PHACTR4: variants seen among roughly 807,000 people sequenced by gnomAD.
PHACTR4 encodes protein phosphatase 1, regulatory subunit 124.
A neutral mutation model predicts 72.7 loss-of-function variants in PHACTR4; 51 were observed. The observed-to-expected ratio is 0.70, with a 90% CI of 0.56 to 0.89. PHACTR4 has a LOEUF of 0.89. PHACTR4 is among the 40% of genes least tolerant of loss of function. PHACTR4 has a pLI of 0.00. For missense variants in PHACTR4, 731 were observed against 861.8 expected, an observed-to-expected ratio of 0.85 and a Z score of 1.90; for synonymous variants, 255 against 302.5, an observed-to-expected ratio of 0.84 and a Z score of 1.63.
intron 2 of PHACTR4, among the ~76,000 whole-genome samples, chr1:28,419,474 A>ATG (rs759824397): frequency 6.6e-6 from 1 of 151,792 alleles, no homozygotes; most frequent in Non-Finnish European, 1.5e-5. Flanking sequence ...TGATACATGT[A>ATG]TGTGTGTGTG....
At chr1:28,444,392 G>C (rs1331883150) in intron 2 of PHACTR4, among the ~76,000 whole-genome samples, 1 of 150,446 alleles carries the variant, frequency 6.6e-6, no homozygotes, top group Non-Finnish European at 1.5e-5. Context: ...ACCATGACCA[G>C]CTAATTTTTG....
At chr1:28,483,938 C>T (rs976577040) in intron 9 of PHACTR4, among the ~76,000 whole-genome samples, 7 of 151,814 alleles carry the variant, frequency 4.6e-5, no homozygotes, top group Non-Finnish European at 1.0e-4. Context: ...TGCCTATAAT[C>T]TCCGTACTTT....
chr1:28,379,969 T>A (rs963402585), intron 1 of PHACTR4, among the ~76,000 whole-genome samples: 1 of 152,006 alleles, frequency 6.6e-6, no homozygotes, highest in Non-Finnish European at 1.5e-5. Context: ...TGTGTTTCTA[T>A]TATCAACTTT....
chr1:28,469,248 C>T (rs1002289255), intron 6 of PHACTR4, among the ~76,000 whole-genome samples: 1 of 151,962 alleles, frequency 6.6e-6, no homozygotes, highest in Non-Finnish European at 1.5e-5. Context: ...CTCAAAAAAA[C>T]ACTAGAAAAA....
intron 1 of PHACTR4, among the ~76,000 whole-genome samples, chr1:28,401,896 G>A (rs1438773890): frequency 6.6e-6 from 1 of 152,146 alleles, no homozygotes; most frequent in Non-Finnish European, 1.5e-5. Flanking sequence ...ACTGCATCCA[G>A]CTCTGCTTTA....
In PHACTR4 at chr1:28,489,248, A is replaced by G. The variant is rs1163401528; in HGVS notation, c.1816+23A>G. Reference sequence around the variant, plus strand: ...AACGTGAGTCCAGTTATGGAAATAAAGTTGTATAGATTTTCTTTGTATGTT... The same window carrying G: ...AACGTGAGTCCAGTTATGGAAATAAGGTTGTATAGATTTTCTTTGTATGTT... On this transcript the variant is annotated intron_variant, in intron 10 of 13. Coordinates refer to ENST00000373839, the MANE Select transcript of PHACTR4 (RefSeq NM_001048183.3). 10 of 1,586,996 alleles carry G rather than the reference A, an allele frequency of 6.3e-6. No individual in the cohort carries two copies. In the South Asian group the frequency reaches 1.1e-4, roughly 18 times the overall value.
chr1:28,453,641 T>G, intron 2 of PHACTR4: 1 of 1,266,598 alleles, frequency 7.9e-7, no homozygotes. Flanking sequence ...GAAGAGAGAC[T>G]CGGTTCTAAC....
chr1:28,427,316 A>G (rs909451816), intron 2 of PHACTR4, among the ~76,000 whole-genome samples: 17 of 152,088 alleles, frequency 1.1e-4, no homozygotes, highest in African/African-American at 3.4e-4. Context: ...ACTTGAGGTC[A>G]GGAGTTTGAG....
intron 2 of PHACTR4, among the ~76,000 whole-genome samples, chr1:28,447,748 A>G (rs551688568): frequency 3.9e-5 from 6 of 152,142 alleles, no homozygotes; most frequent in Admixed American, 1.3e-4. Flanking sequence ...TAGGCAGAAA[A>G]CTATTTTTCC....
chr1:28,379,694 A>G (rs1268584026), intron 1 of PHACTR4, among the ~76,000 whole-genome samples: 2 of 148,936 alleles, frequency 1.3e-5, no homozygotes, highest in Non-Finnish European at 1.5e-5. Context: ...GGTTCACGCC[A>G]TTCTCCTGCC....
chr1:28,496,342 C>A (rs55681210), intron 13 of PHACTR4, among the ~76,000 whole-genome samples, 192 bp from the exon 14 acceptor site: 15,765 of 151,728 alleles, frequency 0.1, 1,889 homozygotes, highest in African/African-American at 0.3. Context: ...AGGTGTGAAC[C>A]ATTGCGCCCA....
intron 7 of PHACTR4, among the ~76,000 whole-genome samples, 153 bp from the exon 8 acceptor site, chr1:28,475,954 T>G (rs184448015): frequency 1.4e-4 from 22 of 152,248 alleles, no homozygotes; most frequent in Admixed American, 1.4e-3. Context: ...CTCAAACTCC[T>G]GACCTCAGGT....
chr1:28,487,367 A>G (rs1660720838), intron 9 of PHACTR4, among the ~76,000 whole-genome samples: 1 of 151,778 alleles, frequency 6.6e-6, no homozygotes, highest in African/African-American at 2.4e-5. Context: ...TTCTGCCTAA[A>G]AAAAAATAAA....
chr1:28,474,175 C>T (rs958465322), intron 7 of PHACTR4, 24 bp downstream of exon 7: 1 of 1,564,914 alleles, frequency 6.4e-7, no homozygotes, highest in Non-Finnish European at 8.7e-7. Flanking sequence ...AAGCTTGCCT[C>T]TTATTTCTCC....
At chr1:28,490,774 C>T (rs1224451894) in intron 10 of PHACTR4, among the ~76,000 whole-genome samples, 177 bp from the exon 11 acceptor site, 1 of 151,634 alleles carries the variant, frequency 6.6e-6, no homozygotes, top group African/African-American at 2.4e-5. Context: ...ACTCGGGAGG[C>T]CGAGGTTGCA....
chr1:28,440,194 C>T (rs1189446202), intron 2 of PHACTR4, among the ~76,000 whole-genome samples: 13 of 148,498 alleles, frequency 8.8e-5, no homozygotes, highest in Non-Finnish European at 1.6e-4. Flanking sequence ...CCCAGCTACT[C>T]GGGAGGCTGA....
intron 2 of PHACTR4, chr1:28,432,991 G>T (rs896208865): frequency 1.2e-6 from 1 of 802,994 alleles, no homozygotes. Context: ...AGCAACCCCC[G>T]CTTGGCCTCC....
intron 10 of PHACTR4, chr1:28,489,959 AACTCAGTGTGATC>A: frequency 5.9e-6 from 3 of 506,120 alleles, no homozygotes; most frequent in South Asian, 4.3e-5. Flanking sequence ...TATCACACAA[AACTCAGTGTGATC>A]ACCATTGTCC....
intron 2 of PHACTR4, among the ~76,000 whole-genome samples, chr1:28,410,319 G>A: frequency 6.6e-6 from 1 of 151,946 alleles, no homozygotes; most frequent in African/African-American, 2.4e-5. Context: ...GAAGAATTTG[G>A]TAAACTGAGT....
Sources: gnomAD v4.1 joint callset for allele counts (sites outside exome capture counted in the v4.1 genomes callset) on GRCh38, gnomAD v4.1.1 for gene constraint, MANE v1.5 for transcripts, NCBI Gene and HGNC (gene_info 2026-07-23, HGNC 2026-07-21) for gene names.